The following SELENOI variants were observed in gnomAD, a reference collection of about 807,000 sequenced individuals.
SELENOI encodes the protein ethanolaminephosphotransferase 1.
SELENOI carries 24 observed loss-of-function variants against 50.7 expected under a neutral mutation model. That is an observed-to-expected ratio of 0.47 (90% CI 0.34 to 0.67). SELENOI has a LOEUF of 0.67. SELENOI is among the 30% of genes least tolerant of loss of function. The pLI is 0.01. For synonymous variants in SELENOI, 155 were observed against 170.2 expected, an observed-to-expected ratio of 0.91 and a Z score of 0.70; for missense variants, 352 against 461.4, an observed-to-expected ratio of 0.76 and a Z score of 2.17.
rs1186089588 is a variant in SELENOI, at chr2:26,367,215, C to T, written c.305C>T (p.Thr102Ile). The T allele has an allele frequency of 7.5e-6, 12 of 1,607,872 alleles. No individual in the cohort carries two copies. The highest frequency in any genetic ancestry group is 8.5e-6 in the Non-Finnish European group (10 of 1,176,878). Residue 102 changes from threonine to isoleucine, a missense_variant, in exon 4 of 10, where the codon ACT (threonine) becomes ATT (isoleucine). Coordinates refer to ENST00000260585, the MANE Select transcript of SELENOI (RefSeq NM_033505.4). Reference sequence around the variant, plus strand: ...GGCATCCTCAACTTCGTAGCCTACACTCTAGGTAAGGAATTGGTAAATACT... The same window carrying T: ...GGCATCCTCAACTTCGTAGCCTACATTCTAGGTAAGGAATTGGTAAATACT... ...VVGILNFVAY[T>I]LDGVDGKQAR... is the part of the protein sequence containing the mutation.
At chr2:26,383,605 G>A (rs556325973) in intron 7 of SELENOI, among the ~76,000 whole-genome samples, 262 of 152,206 alleles carry the variant, frequency 1.7e-3, no homozygotes, top group African/African-American at 6.0e-3. Flanking sequence ...GAGGCCAGGC[G>A]CGGTGGCTCA....
At chr2:26,381,298 T>A (rs1223688471) in intron 6 of SELENOI, among the ~76,000 whole-genome samples, 1 of 146,072 alleles carries the variant, frequency 6.8e-6, no homozygotes, top group African/African-American at 2.5e-5. Flanking sequence ...CCTTCACTTG[T>A]GCAAGATGAA....
intron 6 of SELENOI, among the ~76,000 whole-genome samples, chr2:26,375,591 A>C (rs755379912): frequency 6.6e-6 from 1 of 152,138 alleles, no homozygotes; most frequent in Non-Finnish European, 1.5e-5. Context: ...TTCTTAACCC[A>C]CTGATTGCTA....
chr2:26,368,609 C>A (rs1677339380), intron 4 of SELENOI, among the ~76,000 whole-genome samples: 1 of 152,136 alleles, frequency 6.6e-6, no homozygotes, highest in Non-Finnish European at 1.5e-5. Context: ...TGCTCTATGT[C>A]CTACTGGGGA....
At chr2:26,356,085 C>T (rs1053113701) in intron 1 of SELENOI, among the ~76,000 whole-genome samples, 1 of 152,196 alleles carries the variant, frequency 6.6e-6, no homozygotes, top group Admixed American at 6.5e-5. Flanking sequence ...ATTAAAAGTA[C>T]ATTAAAAAAC....
intron 6 of SELENOI, among the ~76,000 whole-genome samples, chr2:26,382,397 G>A (rs1572336726): frequency 6.6e-6 from 1 of 152,222 alleles, no homozygotes; most frequent in Admixed American, 6.5e-5. Context: ...TTAGTGGATA[G>A]TCAACCAAGG....
At chr2:26,351,295 T>A (rs1676954598) in intron 1 of SELENOI, among the ~76,000 whole-genome samples, 1 of 152,164 alleles carries the variant, frequency 6.6e-6, no homozygotes, top group African/African-American at 2.4e-5. Flanking sequence ...GGACCTCAGG[T>A]GATCCGCCTG....
rs772429118 is a variant in SELENOI, at chr2:26,367,229, TTGGTAA to T, written c.310+10_310+15del. On this transcript the variant is annotated intron_variant, in intron 4 of 9. Transcript: ENST00000260585. ...CGTAGCCTACACTCTAGGTAAGGAATTGGTAAATACTTACTATAGTCAGTGACTGGT... is the reference window on the plus strand; with the variant it reads ...CGTAGCCTACACTCTAGGTAAGGAATATACTTACTATAGTCAGTGACTGGT... The T allele has an allele frequency of 3.2e-5, 51 of 1,600,206 alleles. No individual in the cohort carries two copies. The highest frequency in any genetic ancestry group is 3.1e-4 in the East Asian group (14 of 44,668).
At chr2:26,386,937 C>A (rs1335237055) in intron 9 of SELENOI, among the ~76,000 whole-genome samples, 1 of 151,990 alleles carries the variant, frequency 6.6e-6, no homozygotes, top group Middle Eastern at 3.2e-3. Context: ...TTTTATTGTT[C>A]ATTAACAAAA....
Position 26,386,387 on chromosome 2 carries a change from C to G in SELENOI, c.946C>G (p.Arg316Gly), listed in dbSNP as rs1197938746. The change falls in exon 9 of 10, where the codon CGG (arginine) becomes GGG (glycine). Residue 316 changes from arginine to glycine, a missense_variant. Coordinates refer to ENST00000260585, the MANE Select transcript of SELENOI (RefSeq NM_033505.4). The stretch of plus-strand genomic sequence containing the variant: ...GATTGTTTGCCAAATGAGTAGTACC[C>G]GGTGTCCAACTTTGAATTGGTTGCT... The part of the protein sequence containing the change: ...QLIVCQMSST[R>G]CPTLNWLLVP... 1.9e-6 allele frequency: 3 copies of G among 1,613,766 alleles called. No homozygotes were observed. The Admixed American group carries it at 5.0e-5, about 27-fold the overall frequency.
Position 26,364,842 on chromosome 2 carries a change from C to T in SELENOI, c.137C>T (p.Thr46Ile). ...ATTTTGCAAAAATAGGTATTTCCTA[C>T]TTGGCTGGCGCCCAATCTGATAACT... is the stretch of plus-strand genomic sequence containing the variant. ...FWNTIVKVFP[T>I]WLAPNLITFS... Residue 46 changes from threonine (T) to isoleucine (I), a missense_variant, in exon 3 of 10, where the codon ACT (threonine) becomes ATT (isoleucine). Thr to Ile is a moderately conservative substitution (Grantham distance 89). Transcript: ENST00000260585. 6.2e-7 allele frequency: 1 copy of T among 1,605,402 alleles called. No individual in the cohort carries two copies. The highest frequency in any genetic ancestry group is 1.1e-5 in the South Asian group (1 of 88,314).
chr2:26,378,386 C>T (rs1297081147), intron 6 of SELENOI, among the ~76,000 whole-genome samples: 1 of 152,162 alleles, frequency 6.6e-6, no homozygotes, highest in Non-Finnish European at 1.5e-5. Context: ...CTACTTTCTG[C>T]CTTCTCTTTC....
In SELENOI at chr2:26,352,274, C is replaced by T. The variant is rs1050983507; in HGVS notation, c.57+5985C>T. On this transcript the variant is annotated intron_variant, in intron 1 of 9. Coordinates refer to ENST00000260585, the MANE Select transcript of SELENOI (RefSeq NM_033505.4). ...AATTTTAGGAAGCTCACTCTGGCAGCGTGTAGAAGATGGAGAGAGATAGAG... is the reference window on the plus strand; with the variant it reads ...AATTTTAGGAAGCTCACTCTGGCAGTGTGTAGAAGATGGAGAGAGATAGAG... Among the ~76,000 whole-genome samples the T allele has an allele frequency of 6.6e-5, 10 of 152,042 alleles. No homozygotes were observed. In the East Asian group the frequency reaches 1.7e-3, roughly 26 times the overall value.
intron 1 of SELENOI, 159 bp downstream of exon 1, chr2:26,346,448 C>G: frequency 1.1e-6 from 1 of 900,688 alleles, no homozygotes. Flanking sequence ...GATTGGGGGT[C>G]GGGGAGCGTG....
chr2:26,370,870 A>C (rs1309334635), intron 4 of SELENOI, among the ~76,000 whole-genome samples: 1 of 58,904 alleles, frequency 1.7e-5, no homozygotes, highest in African/African-American at 6.4e-5. Context: ...GCGGCTGGCC[A>C]GGCGGGGGGC....
chr2:26,377,483 T>G (rs1043084598), intron 6 of SELENOI, among the ~76,000 whole-genome samples: 1 of 151,960 alleles, frequency 6.6e-6, no homozygotes, highest in Non-Finnish European at 1.5e-5. Context: ...ATAGAAAAAT[T>G]AAGCCAAATA....
At chr2:26,371,694 AC>A (rs1677453863) in intron 4 of SELENOI, among the ~76,000 whole-genome samples, 1 of 152,252 alleles carries the variant, frequency 6.6e-6, no homozygotes, top group Non-Finnish European at 1.5e-5. Flanking sequence ...CCCCGTCTCC[AC>A]CAAAAAAATA....
intron 1 of SELENOI, among the ~76,000 whole-genome samples, chr2:26,354,910 G>C (rs905692057): frequency 6.6e-6 from 1 of 152,266 alleles, no homozygotes; most frequent in East Asian, 1.9e-4. Context: ...TTTCATTTAT[G>C]ATTAGCTCTA....
At position 26,384,977 on chromosome 2, in the gene SELENOI, C is replaced by T. The variant is rs776863143; in HGVS notation, c.750C>T (p.Thr250=). 2.5e-6 allele frequency: 4 copies of T among 1,603,836 alleles called. No individual in the cohort carries two copies. The South Asian group carries it at 3.4e-5, about 14-fold the overall frequency. ...TTTCCAGAAGCTATAAAAATAACAC[C>T]TTGAAACTCAATTCAGTCTATGAAG... is the stretch of plus-strand genomic sequence containing the variant. ...LNFFRSYKNN[T]LKLNSVYEAM... Residue 250 remains threonine (T), a synonymous_variant, in exon 8 of 10, where the codon ACC becomes ACT. Coordinates refer to ENST00000260585, the MANE Select transcript of SELENOI (RefSeq NM_033505.4).
Sources: gnomAD v4.1 joint callset for allele counts (sites outside exome capture counted in the v4.1 genomes callset) on GRCh38, gnomAD v4.1.1 for gene constraint, MANE v1.5 for transcripts, NCBI Gene and HGNC (gene_info 2026-07-23, HGNC 2026-07-21) for gene names.